Variants in PPFIA2 observed in about 807,000 individuals in gnomAD.
The protein encoded by PPFIA2 is liprin-alpha-2.
PPFIA2 carries 46 observed loss-of-function variants against 175.5 expected under a neutral mutation model. The ratio of observed to expected loss-of-function variants is 0.26; its 90% confidence interval spans 0.21 to 0.34. PPFIA2 has a LOEUF of 0.34. Ranked by LOEUF, PPFIA2 falls within the 10% of genes least tolerant of loss-of-function variation. The pLI is 1.00. For missense variants in PPFIA2, 1,179 were observed against 1,506.1 expected, an observed-to-expected ratio of 0.78 and a Z score of 3.60; for synonymous variants, 568 against 511.4, an observed-to-expected ratio of 1.11 and a Z score of -1.49.
intron 4 of PPFIA2, among the ~76,000 whole-genome samples, chr12:81,508,479 C>G (rs1307727695): frequency 7.1e-6 from 1 of 140,016 alleles, no homozygotes; most frequent in Non-Finnish European, 1.5e-5. Flanking sequence ...CAAGATCATG[C>G]CATTGCACTC....
intron 7 of PPFIA2, among the ~76,000 whole-genome samples, chr12:81,439,552 A>G (rs949964901): frequency 7.9e-5 from 12 of 152,166 alleles, no homozygotes; most frequent in African/African-American, 2.9e-4. Flanking sequence ...ATATGAGTAC[A>G]GTGCTTTTAG....
chr12:81,293,744 G>C (rs148908564), intron 24 of PPFIA2, among the ~76,000 whole-genome samples: 1,550 of 152,126 alleles, frequency 0.01, 17 homozygotes, highest in Non-Finnish European at 0.016. Flanking sequence ...ATTTCTCAAA[G>C]AACTAAAAAT....
At chr12:81,433,671 G>A (rs958442679) in intron 7 of PPFIA2, among the ~76,000 whole-genome samples, 6 of 152,120 alleles carry the variant, frequency 3.9e-5, no homozygotes, top group African/African-American at 1.4e-4. Flanking sequence ...GGTTCATTAA[G>A]AGAATAGTCA....
chr12:81,281,446 G>C lies in PPFIA2; in HGVS notation c.3023C>G (p.Pro1008Arg). ...ATAAGCCAGGGTCTGTAGAAAAACC[G>C]GACACTAGAATTGTTTTATAGCAGT... The part of the protein sequence containing the change: ...ESEEGSWAQC[P>R]VFLQTLAYGD... The change falls in exon 27 of 33, where the codon CCG becomes CGG. Residue 1008 changes from proline (P) to arginine (R), a missense_variant. Transcript: ENST00000549396. The C allele has an allele frequency of 1.9e-6, 3 of 1,594,620 alleles. No individual in the cohort carries two copies. In the East Asian group the frequency reaches 6.7e-5, roughly 36 times the overall value.
chr12:81,677,062 T>C (rs1180864412), intron 3 of PPFIA2, among the ~76,000 whole-genome samples: 2 of 152,048 alleles, frequency 1.3e-5, no homozygotes, highest in East Asian at 1.9e-4. Flanking sequence ...AAGAAAAACA[T>C]GTAAACAGAT....
intron 4 of PPFIA2, among the ~76,000 whole-genome samples, chr12:81,464,778 G>C (rs2055283539): frequency 2.0e-5 from 3 of 151,524 alleles, no homozygotes; most frequent in Admixed American, 2.0e-4. Context: ...TATCACCATA[G>C]CCTATCGGGC....
chr12:81,709,714 A>G (rs996304573), intron 3 of PPFIA2, among the ~76,000 whole-genome samples: 2 of 152,060 alleles, frequency 1.3e-5, no homozygotes, highest in African/African-American at 4.8e-5. Flanking sequence ...ATTTCAGTAC[A>G]CTAGATTATC....
At chr12:81,351,658 G>A (rs570235136) in intron 17 of PPFIA2, among the ~76,000 whole-genome samples, 24 of 151,454 alleles carry the variant, frequency 1.6e-4, no homozygotes, top group South Asian at 4.2e-4. Flanking sequence ...AGTATTTTGG[G>A]AGGCCAAGGC....
intron 4 of PPFIA2, among the ~76,000 whole-genome samples, chr12:81,673,970 C>T (rs921089169): frequency 6.6e-6 from 1 of 151,848 alleles, no homozygotes; most frequent in East Asian, 1.9e-4. Context: ...AATATTAATA[C>T]AAAATTCTCC....
At chr12:81,742,741 C>A (rs2082479063) in intron 3 of PPFIA2, among the ~76,000 whole-genome samples, 1 of 152,068 alleles carries the variant, frequency 6.6e-6, no homozygotes, top group Non-Finnish European at 1.5e-5. Flanking sequence ...GATCCTGGCC[C>A]TGGAGTAATC....
chr12:81,294,036 A>G (rs2045766596), intron 24 of PPFIA2, among the ~76,000 whole-genome samples: 1 of 24,302 alleles, frequency 4.1e-5, no homozygotes, highest in Admixed American at 7.9e-4. Flanking sequence ...ATAACTTGGA[A>G]ACAAAAAAAA....
rs148516912 is a variant in PPFIA2, at chr12:81,538,120, T to C, written c.304-80254A>G. 5.2e-3 allele frequency among the ~76,000 whole-genome samples: 798 copies of C among 152,038 alleles called. 8 individuals carry two copies. Among genetic ancestry groups the C allele is most frequent in the African/African-American group, 0.019 (770 of 41,522 alleles). The stretch of plus-strand genomic sequence containing the variant: ...CCACTAGGCTGTAATGTTAGAAAGT[T>C]ATTATATCCCAATGAACTTGTTTCC... On this transcript the variant is annotated intron_variant, in intron 4 of 32. Coordinates refer to ENST00000549396, the MANE Select transcript of PPFIA2 (RefSeq NM_003625.5).
At chr12:81,622,201 T>C (rs750672639) in intron 4 of PPFIA2, among the ~76,000 whole-genome samples, 143 of 152,294 alleles carry the variant, frequency 9.4e-4, no homozygotes, top group East Asian at 9.7e-4. Context: ...GCCAACCCAA[T>C]TGGGTATATC....
intron 32 of PPFIA2, 57 bp downstream of exon 32, chr12:81,261,892 A>G (rs190385979): frequency 4.8e-4 from 574 of 1,188,802 alleles, no homozygotes; most frequent in Middle Eastern, 1.7e-3. Context: ...TTATTAGTCT[A>G]TGTAGGTTCC....
At chr12:81,478,170 C>A (rs1460772152) in intron 4 of PPFIA2, among the ~76,000 whole-genome samples, 2 of 152,118 alleles carry the variant, frequency 1.3e-5, no homozygotes, top group Admixed American at 6.6e-5. Context: ...TTACCCATTT[C>A]TTCTAGATTT....
intron 4 of PPFIA2, among the ~76,000 whole-genome samples, chr12:81,674,809 A>T (rs532176218): frequency 1.3e-5 from 2 of 152,114 alleles, no homozygotes; most frequent in South Asian, 4.1e-4. Flanking sequence ...TTTATTCTTA[A>T]ATAATGGAAG....
chr12:81,594,779 GGT>G (rs2059064148), intron 4 of PPFIA2, among the ~76,000 whole-genome samples: 1 of 152,022 alleles, frequency 6.6e-6, no homozygotes, highest in Non-Finnish European at 1.5e-5. Context: ...TGGGTGTGGT[GGT>G]GTGTGCCTAT....
At chr12:81,418,070 C>T (rs1204632316) in intron 7 of PPFIA2, among the ~76,000 whole-genome samples, 1 of 151,796 alleles carries the variant, frequency 6.6e-6, no homozygotes, top group Non-Finnish European at 1.5e-5. Context: ...AAACTCACAA[C>T]ATCATTATAA....
intron 3 of PPFIA2, among the ~76,000 whole-genome samples, chr12:81,678,298 T>C (rs1249429959): frequency 6.6e-6 from 1 of 151,856 alleles, no homozygotes; most frequent in Non-Finnish European, 1.5e-5. Context: ...TAAGAGGACT[T>C]ATGCTACTAA....
Sources: allele counts gnomAD v4.1 joint callset (sites outside exome capture counted in the v4.1 genomes callset), GRCh38; gene constraint gnomAD v4.1.1; transcripts MANE v1.5; gene names NCBI Gene and HGNC (gene_info 2026-07-23, HGNC 2026-07-21).